Variants in NCKAP5 observed in about 807,000 individuals in gnomAD.
NCKAP5 encodes NCK associated protein 5.
NCKAP5 carries 92 observed loss-of-function variants against 167.0 expected under a neutral mutation model. The ratio of observed to expected loss-of-function variants is 0.55; its 90% CI spans 0.47 to 0.66. NCKAP5 has a LOEUF of 0.66. Among genes scored for constraint, NCKAP5 ranks in the 30% least tolerant of loss-of-function variants. The probability of loss-of-function intolerance (pLI) is 0.00; values close to 1 mark genes in which losing one functional copy is unlikely to be tolerated. For synonymous variants in NCKAP5, 891 were observed against 877.4 expected, an observed-to-expected ratio of 1.02 and a Z score of -0.27; for missense variants, 2,378 against 2,315.0, an observed-to-expected ratio of 1.03 and a Z score of -0.56.
At chr2:132,948,271 G>T (rs960941093) in intron 8 of NCKAP5, among the ~76,000 whole-genome samples, 1 of 152,116 alleles carries the variant, frequency 6.6e-6, no homozygotes, top group Non-Finnish European at 1.5e-5. Flanking sequence ...TGGCTGGTTA[G>T]GGGGGGAAGC....
At chr2:132,678,126 A>C (rs1684738932) in intron 19 of NCKAP5, among the ~76,000 whole-genome samples, 1 of 152,154 alleles carries the variant, frequency 6.6e-6, no homozygotes, top group Non-Finnish European at 1.5e-5. Context: ...GGTGGAAAAT[A>C]TGTACGGTGA....
At chr2:133,601,024 T>C in the NCKAP5 span, among the ~76,000 whole-genome samples, 1 of 152,202 alleles carries the variant, frequency 6.6e-6, no homozygotes. Flanking sequence ...AGTTCCTACT[T>C]CCTCTGTGAC....
chr2:133,460,517 T>C (rs1213081236), intron 3 of NCKAP5, among the ~76,000 whole-genome samples: 1 of 152,048 alleles, frequency 6.6e-6, no homozygotes, highest in African/African-American at 2.4e-5. Context: ...TTAAATAAAA[T>C]TAAAATTTAA....
the NCKAP5 span, among the ~76,000 whole-genome samples, chr2:133,658,243 G>A: frequency 2.3e-3 from 351 of 152,270 alleles, no homozygotes; most frequent in Non-Finnish European, 4.0e-3. Flanking sequence ...ATGCAGGGTT[G>A]ATTGTGGTCT....
intron 11 of NCKAP5, among the ~76,000 whole-genome samples, chr2:132,856,461 T>G (rs1264717822): frequency 6.6e-6 from 1 of 152,184 alleles, no homozygotes; most frequent in Non-Finnish European, 1.5e-5. Flanking sequence ...TGCACCTTGG[T>G]TCTAAGCTGT....
chr2:133,494,640 C>G (rs1414036227), intron 3 of NCKAP5, among the ~76,000 whole-genome samples: 2 of 152,150 alleles, frequency 1.3e-5, no homozygotes, highest in Non-Finnish European at 2.9e-5. Flanking sequence ...TTATACCCTC[C>G]TCTCTATGGA....
intron 6 of NCKAP5, among the ~76,000 whole-genome samples, chr2:133,021,079 G>A (rs2149391121): frequency 6.6e-6 from 1 of 152,340 alleles, no homozygotes; most frequent in African/African-American, 2.4e-5. Context: ...AATGAAAACT[G>A]TAGACTGGCC....
chr2:133,638,243 T>A, the NCKAP5 span, among the ~76,000 whole-genome samples: 53 of 152,188 alleles, frequency 3.5e-4, no homozygotes, highest in Admixed American at 1.5e-3. Context: ...GACAGGTAGA[T>A]CTAATCAAGC....
At chr2:133,663,224 C>G in the NCKAP5 span, among the ~76,000 whole-genome samples, 2 of 151,140 alleles carry the variant, frequency 1.3e-5, no homozygotes, top group Admixed American at 6.6e-5. Flanking sequence ...CGAGATTGCG[C>G]CACTGCAGTC....
chr2:133,580,051 C>T, the NCKAP5 span, among the ~76,000 whole-genome samples: 1 of 152,124 alleles, frequency 6.6e-6, no homozygotes, highest in Non-Finnish European at 1.5e-5. Flanking sequence ...AACCAGTGGC[C>T]CGTCATTAGC....
intron 3 of NCKAP5, among the ~76,000 whole-genome samples, chr2:133,444,299 A>T (rs888041448): frequency 2.6e-5 from 4 of 152,152 alleles, no homozygotes; most frequent in African/African-American, 4.8e-5. Context: ...AACAGCTAAC[A>T]TAGGGGGCCC....
At chr2:132,769,207 C>T (rs1681805445) in intron 16 of NCKAP5, among the ~76,000 whole-genome samples, 1 of 152,074 alleles carries the variant, frequency 6.6e-6, no homozygotes, top group African/African-American at 2.4e-5. Flanking sequence ...CTCAGCCTCC[C>T]AAAGTGCTGG....
chr2:133,291,636 G>A (rs1042704174), intron 4 of NCKAP5, among the ~76,000 whole-genome samples: 2 of 152,214 alleles, frequency 1.3e-5, no homozygotes, highest in African/African-American at 4.8e-5. Context: ...ATCACTGAGT[G>A]TTCGAGAGAA....
chr2:133,311,933 C>G (rs918384511), intron 3 of NCKAP5, among the ~76,000 whole-genome samples: 1 of 152,260 alleles, frequency 6.6e-6, no homozygotes, highest in East Asian at 1.9e-4. Context: ...AAATGACATT[C>G]CAAACTATTG....
intron 1 of NCKAP5, among the ~76,000 whole-genome samples, chr2:133,562,577 T>C (rs2105026081): frequency 6.6e-6 from 1 of 152,302 alleles, no homozygotes; most frequent in South Asian, 2.1e-4. Flanking sequence ...CAGCTCTTCT[T>C]TCAACACCGT....
rs565147975 is a variant in NCKAP5, at chr2:132,965,870, C to T, written c.430-2001G>A. On this transcript the variant is annotated intron_variant, in intron 7 of 19. Coordinates refer to ENST00000409261, the MANE Select transcript of NCKAP5 (RefSeq NM_207363.3). Reference sequence around the variant, plus strand: ...AAAACATGGTATAATCTTACGAGACCACCATCACACATCTTTATAAGGTAC... The same window carrying T: ...AAAACATGGTATAATCTTACGAGACTACCATCACACATCTTTATAAGGTAC... Among the ~76,000 whole-genome samples, 6 of 151,366 alleles carry T rather than the reference C, an allele frequency of 4.0e-5. No homozygotes were observed. In the East Asian group the frequency reaches 1.2e-3, roughly 29 times the overall value.
intron 6 of NCKAP5, among the ~76,000 whole-genome samples, chr2:133,111,695 C>A (rs1391004558): frequency 1.3e-5 from 2 of 152,150 alleles, no homozygotes; most frequent in Admixed American, 6.5e-5. Context: ...GCCCGGGTAC[C>A]TTTTGGTGTA....
rs530361115 is a variant in NCKAP5 at position 133,482,019 on chromosome 2, T to A, written c.69+35439A>T. Among the ~76,000 whole-genome samples the A allele has an allele frequency of 3.5e-4, 54 of 152,278 alleles. No homozygotes were observed. In the East Asian group the frequency reaches 8.9e-3, roughly 25 times the overall value. On this transcript the variant is annotated intron_variant, in intron 3 of 19. Transcript: ENST00000409261. ...TGCTAGCCAGTCTCTGATCTATCTT[T>A]CCACTCTTTACCTCCTTATGTTCAC...
chr2:132,907,626 G>A (rs137941996), intron 8 of NCKAP5, among the ~76,000 whole-genome samples: 149 of 150,196 alleles, frequency 9.9e-4, no homozygotes, highest in African/African-American at 3.5e-3. Flanking sequence ...TTTTAGAGGT[G>A]TTTAGATAAA....
Sources: allele counts gnomAD v4.1 joint callset (sites outside exome capture counted in the v4.1 genomes callset), GRCh38; gene constraint gnomAD v4.1.1; transcripts MANE v1.5; gene names NCBI Gene and HGNC (gene_info 2026-07-23, HGNC 2026-07-21).